Variants in UBAP1 observed in about 807,000 individuals in gnomAD.
UBAP1 encodes ubiquitin-associated protein 1.
In UBAP1, 5 loss-of-function variants were observed where a neutral mutation model predicts 39.0. The observed-to-expected ratio is 0.13, with a 90% CI of 0.07 to 0.27. UBAP1 has a LOEUF of 0.27. UBAP1 is among the 10% of genes least tolerant of loss of function. The probability of loss-of-function intolerance (pLI) is 1.00; values close to 1 mark genes in which losing one functional copy is unlikely to be tolerated. For synonymous variants in UBAP1, 211 were observed against 225.1 expected, an observed-to-expected ratio of 0.94 and a Z score of 0.56; for missense variants, 490 against 608.1, an observed-to-expected ratio of 0.81 and a Z score of 2.04.
intron 1 of UBAP1, among the ~76,000 whole-genome samples, chr9:34,196,238 A>G (rs948186380): frequency 6.6e-6 from 1 of 151,164 alleles, no homozygotes; most frequent in Non-Finnish European, 1.5e-5. Flanking sequence ...TTTCGGGCTG[A>G]AGTTTATCCT....
chr9:34,195,641 A>T (rs1036679302), intron 1 of UBAP1, among the ~76,000 whole-genome samples: 11 of 149,614 alleles, frequency 7.4e-5, no homozygotes, highest in African/African-American at 2.7e-4. Context: ...CTTGTTGCCC[A>T]GGCTGGAGTG....
At chr9:34,181,396 G>A (rs1289927624) in intron 1 of UBAP1, among the ~76,000 whole-genome samples, 5 of 151,644 alleles carry the variant, frequency 3.3e-5, no homozygotes, top group African/African-American at 9.7e-5. Flanking sequence ...GATTACAGGC[G>A]TGAGCCACCG....
intron 6 of UBAP1, 50 bp downstream of exon 6, chr9:34,250,809 G>A (rs755826679): frequency 3.3e-6 from 5 of 1,496,790 alleles, no homozygotes; most frequent in Non-Finnish European, 4.6e-6. Context: ...GAGGGACCAA[G>A]TATCCATCCT....
chr9:34,184,926 C>CTT (rs35634769), intron 1 of UBAP1, among the ~76,000 whole-genome samples: 2,149 of 104,390 alleles, frequency 0.021, 46 homozygotes, highest in African/African-American at 0.028. Context: ...CCAGCCAATC[C>CTT]TTTTTTTTTT....
At position 34,199,274 on chromosome 9, in the gene UBAP1, C is replaced by A. The variant is rs769595844; in HGVS notation, c.-8+20034C>A. Among the ~76,000 whole-genome samples, 20 of 152,070 alleles carry A rather than the reference C, an allele frequency of 1.3e-4. 1 individual carries two copies. The highest frequency in any genetic ancestry group is 4.8e-4 in the African/African-American group (20 of 41,396). ...ATTTTTAGTAGAGATGGGGTTTCAC[C>A]GTATTAGCCAGGATGGTCTCGAACC... is the stretch of plus-strand genomic sequence containing the variant. On this transcript the variant is annotated intron_variant, in intron 1 of 6. Coordinates refer to ENST00000297661, the MANE Select transcript of UBAP1 (RefSeq NM_016525.5).
intron 2 of UBAP1, chr9:34,224,085 T>A: frequency 1.5e-6 from 1 of 685,678 alleles, no homozygotes; most frequent in Non-Finnish European, 2.4e-6. Context: ...GGCCTTGAAG[T>A]GATGCACGCA....
rs572970305 is a variant in UBAP1 at position 34,199,656 on chromosome 9, CAG to C, written c.-8+20417_-8+20418del. 3.1e-3 allele frequency among the ~76,000 whole-genome samples: 470 copies of C among 151,162 alleles called. 1 individual carries two copies. The highest frequency in any genetic ancestry group is 0.011 in the African/African-American group (451 of 41,214). ...TTTTTTTCTCTCTCTTTTTTTGAGA[CAG>C]GGTCTCATTGTGTCTCCCCAGGCTG... is the stretch of plus-strand genomic sequence containing the variant. On this transcript the variant is annotated intron_variant, in intron 1 of 6. Transcript: ENST00000297661.
chr9:34,223,978 G>A (rs1020061667), intron 2 of UBAP1: 12 of 403,930 alleles, frequency 3.0e-5, no homozygotes, highest in South Asian at 4.9e-5. Flanking sequence ...AAGACAAAAC[G>A]AGGATTTATT....
At chr9:34,241,057 C>T (rs1833928743) in intron 3 of UBAP1, 128 bp from the exon 4 acceptor site, 1 of 605,102 alleles carries the variant, frequency 1.7e-6, no homozygotes, top group Non-Finnish European at 2.7e-6. Context: ...GGGGATCATC[C>T]CACACGCCTT....
chr9:34,182,623 CTTTCT>C (rs1830113523), intron 1 of UBAP1, among the ~76,000 whole-genome samples: 15 of 34,988 alleles, frequency 4.3e-4, no homozygotes, highest in African/African-American at 1.1e-3. Context: ...TTCCTTCTTT[CTTTCT>C]TTCTTTCTTT....
chr9:34,217,515 C>T (rs563407118), intron 1 of UBAP1, among the ~76,000 whole-genome samples: 4 of 152,072 alleles, frequency 2.6e-5, no homozygotes, highest in African/African-American at 9.6e-5. Flanking sequence ...AGATTACAGT[C>T]GTGAGCCACC....
At chr9:34,182,651 C>CTTT (rs1162910742) in intron 1 of UBAP1, among the ~76,000 whole-genome samples, 1 of 59,586 alleles carries the variant, frequency 1.7e-5, no homozygotes, top group African/African-American at 4.2e-5. Context: ...TTCTTTCTTT[C>CTTT]TTTCTTTCTT....
chr9:34,206,274 C>G, intron 1 of UBAP1: 1 of 152,230 alleles, frequency 6.6e-6, no homozygotes, highest in East Asian at 1.9e-4. Flanking sequence ...CTTAAGGATA[C>G]CTTACAATTA....
At chr9:34,202,934 C>T (rs1298437437) in intron 1 of UBAP1, among the ~76,000 whole-genome samples, 1 of 151,318 alleles carries the variant, frequency 6.6e-6, no homozygotes, top group Non-Finnish European at 1.5e-5. Flanking sequence ...TTGTGTTTTC[C>T]TCATGTGTTT....
chr9:34,184,295 G>A (rs1830256197), intron 1 of UBAP1, among the ~76,000 whole-genome samples: 2 of 151,894 alleles, frequency 1.3e-5, no homozygotes, highest in African/African-American at 4.8e-5. Context: ...ATGTACTAAT[G>A]AGCCAGGATT....
intron 1 of UBAP1, among the ~76,000 whole-genome samples, chr9:34,200,250 AGT>A (rs1257195034): frequency 6.6e-6 from 1 of 152,218 alleles, no homozygotes; most frequent in African/African-American, 2.4e-5. Flanking sequence ...TTTGGATTAA[AGT>A]CCCACATTGA....
intron 1 of UBAP1, among the ~76,000 whole-genome samples, chr9:34,179,965 G>GA (rs948500686): frequency 1.2e-4 from 18 of 150,986 alleles, no homozygotes; most frequent in African/African-American, 3.9e-4. Flanking sequence ...ATGTTAAACT[G>GA]AAAAAAAAAT....
chr9:34,182,479 C>A (rs995327934), intron 1 of UBAP1, among the ~76,000 whole-genome samples: 2 of 151,310 alleles, frequency 1.3e-5, no homozygotes, highest in African/African-American at 4.9e-5. Flanking sequence ...GCCATGGCGC[C>A]CAGATGGATC....
At chr9:34,223,892 T>G (rs1651020443) in intron 2 of UBAP1, 1 of 250,974 alleles carries the variant, frequency 4.0e-6, no homozygotes, top group Non-Finnish European at 7.7e-6. Flanking sequence ...GCTTTACTTG[T>G]TTTTTTTGTT....
Sources: gnomAD v4.1 joint callset for allele counts (sites outside exome capture counted in the v4.1 genomes callset) on GRCh38, gnomAD v4.1.1 for gene constraint, MANE v1.5 for transcripts, NCBI Gene and HGNC (gene_info 2026-07-23, HGNC 2026-07-21) for gene names.